Variants in SDK1 observed in about 807,000 individuals in gnomAD.
The protein encoded by SDK1 is sidekick cell adhesion molecule 1.
Under a neutral mutation model 245.5 loss-of-function variants are expected in SDK1, and 157 were observed. The ratio of observed to expected loss-of-function variants is 0.64; its 90% CI spans 0.56 to 0.73. The LOEUF is 0.73. Among genes scored for constraint, SDK1 ranks in the 30% least tolerant of loss-of-function variants. SDK1 has a pLI of 0.00. For missense variants in SDK1, 3,583 were observed against 3,002.3 expected (o/e 1.19, Z -4.52); for synonymous variants, 1,647 against 1,278.5 (o/e 1.29, Z -6.15).
chr7:3,980,700 T>A (rs1195588400), intron 13 of SDK1, among the ~76,000 whole-genome samples: 1 of 152,178 alleles, frequency 6.6e-6, no homozygotes, highest in African/African-American at 2.4e-5. Context: ...TCGCAGCACT[T>A]TGGGAGGCCG....
At chr7:3,417,230 A>C (rs967662708) in intron 1 of SDK1, among the ~76,000 whole-genome samples, 35 of 152,210 alleles carry the variant, frequency 2.3e-4, no homozygotes, top group Middle Eastern at 3.2e-3. Context: ...CTGAGGTTCT[A>C]GTTTTGGCAA....
intron 22 of SDK1, among the ~76,000 whole-genome samples, chr7:4,098,684 G>A (rs1225705999): frequency 1.3e-5 from 2 of 151,916 alleles, no homozygotes; most frequent in East Asian, 3.9e-4. Flanking sequence ...TTTGTTTTGA[G>A]ATAGGGTCTC....
chr7:4,145,224 G>T (rs1204820679), intron 28 of SDK1, among the ~76,000 whole-genome samples: 2 of 152,198 alleles, frequency 1.3e-5, no homozygotes, highest in Non-Finnish European at 1.5e-5. Flanking sequence ...GGAGCTGGGG[G>T]GTCAGAGGTG....
At chr7:3,772,268 C>T (rs1368238462) in intron 4 of SDK1, among the ~76,000 whole-genome samples, 3 of 150,712 alleles carry the variant, frequency 2.0e-5, no homozygotes, top group South Asian at 2.1e-4. Flanking sequence ...TTATATTCTA[C>T]GTCTGTTTTT....
chr7:4,268,385 G>C lies in SDK1; in HGVS notation c.*3001G>C. On this transcript the variant is annotated 3_prime_UTR_variant, in exon 45 of 45. Coordinates refer to ENST00000404826, the MANE Select transcript of SDK1 (RefSeq NM_152744.4). ...CGGCCTCCTGCACGGCCACCTTCTGGGTGAATCGGTCCAGCCCAAGCCCCT... is the reference window on the plus strand; with the variant it reads ...CGGCCTCCTGCACGGCCACCTTCTGCGTGAATCGGTCCAGCCCAAGCCCCT... 1 of 1,070,532 alleles carries C rather than the reference G, an allele frequency of 9.3e-7. No individual in the cohort carries two copies. Among genetic ancestry groups the C allele is most frequent in the Non-Finnish European group, 1.1e-6 (1 of 877,466 alleles). 66.3% of individuals were successfully genotyped at this position (1,070,532 alleles called of 1,614,324 possible).
intron 4 of SDK1, among the ~76,000 whole-genome samples, chr7:3,733,920 C>T (rs1158856274): frequency 2.0e-5 from 3 of 152,252 alleles, no homozygotes; most frequent in African/African-American, 7.2e-5. Context: ...GAGCTACTGA[C>T]CGAGATCTCC....
chr7:3,672,796 A>ATATATATATATAGATATAT (rs1554307151), intron 4 of SDK1, among the ~76,000 whole-genome samples: 1 of 53,416 alleles, frequency 1.9e-5, no homozygotes, highest in Non-Finnish European at 3.4e-5. Flanking sequence ...TATATATATA[A>ATATATATATATAGATATAT]AAAATACAGA....
At chr7:3,632,503 A>G (rs1288378751) in intron 2 of SDK1, among the ~76,000 whole-genome samples, 1 of 152,202 alleles carries the variant, frequency 6.6e-6, no homozygotes, top group Non-Finnish European at 1.5e-5. Context: ...AGGAGAGCTT[A>G]TATTCATTCA....
rs1283565625 is a variant in SDK1, at chr7:3,555,084, T to TA, written c.299-63992dup. Reference sequence around the variant, plus strand: ...CTTCACAGAAATAGAAAAACAATCCTAAAATTTAAATGGAACCACAAAAAG... The same window carrying TA: ...CTTCACAGAAATAGAAAAACAATCCTAAAAATTTAAATGGAACCACAAAAAG... On this transcript the variant is annotated intron_variant, in intron 1 of 44. Coordinates refer to ENST00000404826, the MANE Select transcript of SDK1 (RefSeq NM_152744.4). 3.9e-5 allele frequency among the ~76,000 whole-genome samples: 6 copies of TA among 152,280 alleles called. No homozygotes were observed. In the East Asian group the frequency reaches 1.2e-3, roughly 29 times the overall value.
At chr7:3,600,398 A>G (rs968680677) in intron 1 of SDK1, among the ~76,000 whole-genome samples, 1 of 152,098 alleles carries the variant, frequency 6.6e-6, no homozygotes, top group Admixed American at 6.6e-5. Flanking sequence ...CTTTCCTTCC[A>G]GTATGTACAT....
chr7:4,106,484 G>A (rs1782918855), intron 22 of SDK1, among the ~76,000 whole-genome samples: 1 of 151,970 alleles, frequency 6.6e-6, no homozygotes, highest in Admixed American at 6.6e-5. Context: ...TTTTAGGAAA[G>A]ACAGGGTTTC....
intron 1 of SDK1, among the ~76,000 whole-genome samples, chr7:3,545,325 C>T (rs1014755752): frequency 2.0e-5 from 3 of 152,042 alleles, no homozygotes; most frequent in African/African-American, 4.8e-5. Flanking sequence ...TTTTGGCAGG[C>T]GGTCAAAAGG....
chr7:3,344,594 T>C (rs1780443612), intron 1 of SDK1, among the ~76,000 whole-genome samples: 1 of 152,182 alleles, frequency 6.6e-6, no homozygotes, highest in Admixed American at 6.5e-5. Context: ...AAATAGAAGA[T>C]ACCCCAAAAT....
intron 5 of SDK1, among the ~76,000 whole-genome samples, chr7:3,895,962 A>G (rs933622330): frequency 3.9e-5 from 6 of 152,128 alleles, no homozygotes; most frequent in African/African-American, 9.7e-5. Context: ...CATGATTTCA[A>G]TCCTTTTAAA....
rs112645091 is a variant in SDK1 at position 3,665,160 on chromosome 7, C to T, written c.713+23055C>T. Among the ~76,000 whole-genome samples, 59 of 152,242 alleles carry T rather than the reference C, an allele frequency of 3.9e-4. 1 individual carries two copies. The highest frequency in any genetic ancestry group is 9.9e-4 in the African/African-American group (41 of 41,540). On this transcript the variant is annotated intron_variant, in intron 4 of 44. Coordinates refer to ENST00000404826, the MANE Select transcript of SDK1 (RefSeq NM_152744.4). ...GGGCCCTTCCTATGTGAAGTAGGTC[C>T]CAGGTGTGAATGCCCTCTGTGCCTC...
intron 1 of SDK1, among the ~76,000 whole-genome samples, chr7:3,502,485 G>T (rs1782248467): frequency 6.6e-6 from 1 of 152,058 alleles, no homozygotes; most frequent in Non-Finnish European, 1.5e-5. Context: ...CCTGACCTCA[G>T]GTGATCCACC....
intron 35 of SDK1, among the ~76,000 whole-genome samples, chr7:4,186,739 A>G (rs1349130651): frequency 6.6e-6 from 1 of 152,106 alleles, no homozygotes; most frequent in Non-Finnish European, 1.5e-5. Context: ...TAAGCCCTCA[A>G]ATGCTGTGAG....
intron 1 of SDK1, among the ~76,000 whole-genome samples, chr7:3,489,402 C>T (rs547316809): frequency 1.1e-4 from 17 of 152,248 alleles, no homozygotes; most frequent in South Asian, 6.2e-4. Context: ...ATTGCTGCAG[C>T]GCTGAAAATT....
At chr7:3,877,758 A>G (rs943298052) in intron 5 of SDK1, among the ~76,000 whole-genome samples, 1 of 152,232 alleles carries the variant, frequency 6.6e-6, no homozygotes, top group African/African-American at 2.4e-5. Context: ...CCTAAAGTCA[A>G]TGTGGATAAC....
Sources: allele counts gnomAD v4.1 joint callset (sites outside exome capture counted in the v4.1 genomes callset), GRCh38; gene constraint gnomAD v4.1.1; transcripts MANE v1.5; gene names NCBI Gene and HGNC (gene_info 2026-07-23, HGNC 2026-07-21).